Variants in SLIT1 observed in about 807,000 individuals in gnomAD.
The protein encoded by SLIT1 is slit guidance ligand 1, also known as slit homolog 1 protein.
In SLIT1, 66 loss-of-function variants were observed where a neutral mutation model predicts 186.1. That is an observed-to-expected ratio of 0.35 (90% CI 0.29 to 0.44). The LOEUF is 0.44. Among genes scored for constraint, SLIT1 ranks in the 20% least tolerant of loss-of-function variants. The pLI, the probability that SLIT1 is intolerant of heterozygous loss-of-function variation, is 1.00. For synonymous variants in SLIT1, 761 were observed against 833.8 expected (o/e 0.91, Z 1.50); for missense variants, 1,638 against 2,037.4 (o/e 0.80, Z 3.77).
At chr10:97,105,204 GAA>G (rs987268290) in intron 4 of SLIT1, among the ~76,000 whole-genome samples, 1 of 152,146 alleles carries the variant, frequency 6.6e-6, no homozygotes, top group Non-Finnish European at 1.5e-5. Flanking sequence ...AAGTCAGCAG[GAA>G]AAATAAATCT....
At chr10:97,099,355 C>T (rs974748436) in intron 4 of SLIT1, among the ~76,000 whole-genome samples, 2 of 152,180 alleles carry the variant, frequency 1.3e-5, no homozygotes, top group Admixed American at 6.5e-5. Context: ...CTCAGGTCGG[C>T]CACCCAGAGC....
chr10:97,158,534 C>T (rs907174920), intron 3 of SLIT1, among the ~76,000 whole-genome samples: 4 of 151,830 alleles, frequency 2.6e-5, no homozygotes, highest in Non-Finnish European at 2.9e-5. Context: ...TGGTGGCAGG[C>T]GCCTGTAATC....
intron 4 of SLIT1, among the ~76,000 whole-genome samples, chr10:97,089,568 T>C (rs1197131022): frequency 1.3e-5 from 2 of 152,176 alleles, no homozygotes; most frequent in Non-Finnish European, 2.9e-5. Flanking sequence ...GTGTCCTGTG[T>C]GACTAATCCC....
At chr10:97,118,825 G>T (rs1199304404) in intron 4 of SLIT1, among the ~76,000 whole-genome samples, 2 of 152,120 alleles carry the variant, frequency 1.3e-5, no homozygotes, top group African/African-American at 4.8e-5. Context: ...ATTGCTGTGG[G>T]GATTAAATGA....
Position 97,108,927 on chromosome 10 carries a change from G to A in SLIT1, c.414-42841C>T, listed in dbSNP as rs116048458. 5.0e-3 allele frequency among the ~76,000 whole-genome samples: 714 copies of A among 142,672 alleles called. 5 individuals are homozygous for A. Among genetic ancestry groups the A allele is most frequent in the African/African-American group, 0.017 (674 of 39,222 alleles). The allele number at this position is 142,672 out of a possible 152,430, so 93.6% of individuals were successfully genotyped here. On this transcript the variant is annotated intron_variant, in intron 4 of 36. Coordinates refer to ENST00000266058, the MANE Select transcript of SLIT1 (RefSeq NM_003061.3). ...AAAAAAAAAAAAAAAAGCCACACTC[G>A]GGACTCAGTGGTCCTGAGATCACAC... is the stretch of plus-strand genomic sequence containing the variant.
At chr10:97,089,320 G>A (rs2134661897) in intron 4 of SLIT1, among the ~76,000 whole-genome samples, 1 of 152,388 alleles carries the variant, frequency 6.6e-6, no homozygotes, top group Non-Finnish European at 1.5e-5. Context: ...GAGCTGGGAA[G>A]CCTTGGGACT....
chr10:97,057,066 C>A, intron 12 of SLIT1, 144 bp downstream of exon 12: 2 of 640,552 alleles, frequency 3.1e-6, no homozygotes, highest in Middle Eastern at 2.6e-4. Flanking sequence ...ACTTTCTCAG[C>A]CCTAGTGGGT....
intron 1 of SLIT1, among the ~76,000 whole-genome samples, chr10:97,165,682 C>T (rs779171623): frequency 3.3e-5 from 5 of 152,108 alleles, no homozygotes; most frequent in East Asian, 1.9e-4. Context: ...CGAGGGCCAG[C>T]GGAGGCTCTG....
chr10:97,060,960 G>A (rs1848889154), intron 8 of SLIT1, among the ~76,000 whole-genome samples, 173 bp from the exon 9 acceptor site: 1 of 152,214 alleles, frequency 6.6e-6, no homozygotes, highest in Non-Finnish European at 1.5e-5. Context: ...AACTCTGTGG[G>A]TGCCTGGCAC....
Position 97,001,276 on chromosome 10 carries a change from G to T in SLIT1, c.4441C>A (p.Arg1481Ser). Reference protein sequence around the residue: ...QRGYAICQTTRPLSWVECRGS... With the variant: ...QRGYAICQTTSPLSWVECRGS... ...CGGCACTCCACCCATGACAGGGGGC[G>T]CGTGGTCTGGCAGATGGCATAGCCC... The change falls in exon 37 of 37, where the codon CGC (arginine) becomes AGC (serine). Residue 1481 changes from arginine to serine, a missense_variant. By Grantham distance (110) the Arg-to-Ser change is moderately radical. This residue lies in a region of SLIT1 where 220 missense variants were observed against 211.3 expected (regional missense o/e 1.04). Coordinates refer to ENST00000266058, the MANE Select transcript of SLIT1 (RefSeq NM_003061.3). The T allele has an allele frequency of 1.2e-6, 2 of 1,613,294 alleles. No individual in the cohort carries two copies. The highest frequency in any genetic ancestry group is 1.1e-5 in the South Asian group (1 of 91,078).
chr10:97,163,806 C>A (rs923380709), intron 2 of SLIT1, among the ~76,000 whole-genome samples: 2 of 152,254 alleles, frequency 1.3e-5, no homozygotes, highest in African/African-American at 4.8e-5. Flanking sequence ...CCAGGCCCAG[C>A]AGCAGGCAGC....
At position 97,001,008 on chromosome 10, in the gene SLIT1, G is replaced by T; in HGVS notation, c.*104C>A. Reference sequence around the variant, plus strand: ...AGGAGGGCCCAGCTGCCCAGGAGCCGTCCTGTGATGACCTGCACCCCAGCC... The same window carrying T: ...AGGAGGGCCCAGCTGCCCAGGAGCCTTCCTGTGATGACCTGCACCCCAGCC... On this transcript the variant is annotated 3_prime_UTR_variant, in exon 37 of 37. Transcript: ENST00000266058. The T allele has an allele frequency of 1.1e-6, 1 of 909,706 alleles. No homozygotes were observed. The highest frequency in any genetic ancestry group is 1.7e-6 in the Non-Finnish European group (1 of 586,728). The allele number at this position is 909,706 out of a possible 1,614,324, so 56.4% of individuals were successfully genotyped here.
At chr10:97,060,041 C>T (rs370330299) in intron 10 of SLIT1, 46 bp downstream of exon 10, 13 of 1,516,042 alleles carry the variant, frequency 8.6e-6, no homozygotes, top group South Asian at 3.4e-5. Flanking sequence ...CCAGGATCTC[C>T]GTCAGCCCTG....
intron 27 of SLIT1, 101 bp from the exon 28 acceptor site, chr10:97,018,784 G>T (rs1848476985): frequency 1.4e-6 from 1 of 723,504 alleles, no homozygotes; most frequent in African/African-American, 1.8e-5. Flanking sequence ...CCCTGTCCCA[G>T]GAGTTACTTG....
intron 4 of SLIT1, among the ~76,000 whole-genome samples, chr10:97,082,193 G>A (rs1415940674): frequency 1.3e-5 from 2 of 152,236 alleles, no homozygotes; most frequent in Non-Finnish European, 2.9e-5. Flanking sequence ...ACAGAGAGGT[G>A]CTGAGAGGGC....
chr10:97,018,957 C>T (rs761500746), intron 27 of SLIT1, 26 bp downstream of exon 27: 2 of 1,439,400 alleles, frequency 1.4e-6, no homozygotes, highest in Admixed American at 3.4e-5. Flanking sequence ...GAGCCCTCCT[C>T]CTCCCCGGCC....
chr10:97,081,856 T>C (rs1290089157), intron 4 of SLIT1, among the ~76,000 whole-genome samples: 7 of 152,186 alleles, frequency 4.6e-5, no homozygotes, highest in Non-Finnish European at 2.9e-5. Flanking sequence ...ATCCGGCGGC[T>C]CTTCCTCTGC....
chr10:97,006,397 T>G lies in SLIT1; in HGVS notation c.3579+86A>C. On this transcript the variant is annotated intron_variant, in intron 32 of 36. Coordinates refer to ENST00000266058, the MANE Select transcript of SLIT1 (RefSeq NM_003061.3). The surrounding 1 kb of genome is among the most constrained non-coding windows in gnomAD (Gnocchi z 4.0). Reference sequence around the variant, plus strand: ...AGTCCTTCCAGTTCCCCAGGCACCATGCAGGGATGTATCCTGATGCTCTGG... The same window carrying G: ...AGTCCTTCCAGTTCCCCAGGCACCAGGCAGGGATGTATCCTGATGCTCTGG... 1.1e-6 allele frequency: 1 copy of G among 887,782 alleles called. No homozygotes were observed. 55.0% of individuals were successfully genotyped at this position (887,782 alleles called of 1,614,324 possible). A position where few individuals can be genotyped will look rare whatever the true frequency, so the allele number is the denominator to read the frequency against.
chr10:97,149,589 C>G (rs1218664025), intron 4 of SLIT1, among the ~76,000 whole-genome samples: 1 of 149,838 alleles, frequency 6.7e-6, no homozygotes, highest in Admixed American at 6.6e-5. Context: ...GATGCAGATT[C>G]TTGGGCCCTT....
Sources: allele counts gnomAD v4.1 joint callset (sites outside exome capture counted in the v4.1 genomes callset), GRCh38; gene constraint gnomAD v4.1.1; regional missense constraint gnomAD v4.1.1; non-coding constraint Gnocchi (gnomAD v3.1); transcripts MANE v1.5; gene names NCBI Gene and HGNC (gene_info 2026-07-23, HGNC 2026-07-21).